AJAP1: variants seen among roughly 807,000 people sequenced by gnomAD.
AJAP1 encodes the protein adherens junctions associated protein 1.
In AJAP1, 5 loss-of-function variants were observed where a neutral mutation model predicts 35.0. That is an observed-to-expected ratio of 0.14 (90% CI 0.07 to 0.30). The LOEUF (loss-of-function observed/expected upper bound fraction) is 0.30, where lower values mean the gene tolerates loss of function less well. Ranked by LOEUF, AJAP1 falls within the 10% of genes least tolerant of loss-of-function variation. The pLI, the probability that AJAP1 is intolerant of heterozygous loss-of-function variation, is 1.00. For missense variants in AJAP1, 586 were observed against 571.0 expected, an observed-to-expected ratio of 1.03 and a Z score of -0.27; for synonymous variants, 284 against 249.3, an observed-to-expected ratio of 1.14 and a Z score of -1.31.
chr1:4,696,995 TG>T (rs1395372380), intron 1 of AJAP1, among the ~76,000 whole-genome samples: 1 of 152,172 alleles, frequency 6.6e-6, no homozygotes, highest in Non-Finnish European at 1.5e-5. Context: ...CATGTGTGTA[TG>T]TGTGCATGCT....
At chr1:4,677,682 G>A (rs760584477) in intron 1 of AJAP1, among the ~76,000 whole-genome samples, 3 of 152,104 alleles carry the variant, frequency 2.0e-5, no homozygotes, top group Admixed American at 6.5e-5. Context: ...GTCAGCCAGC[G>A]GGTATTCATA....
At chr1:4,777,385 G>A (rs1446928868) in intron 5 of AJAP1, 2 of 152,202 alleles carry the variant, frequency 1.3e-5, no homozygotes, top group East Asian at 3.9e-4. Flanking sequence ...AGTCAGCCAA[G>A]TTCGTTTTCT....
At chr1:4,699,505 T>G (rs988194921) in intron 1 of AJAP1, among the ~76,000 whole-genome samples, 1 of 152,174 alleles carries the variant, frequency 6.6e-6, no homozygotes, top group Admixed American at 6.5e-5. Context: ...TAACCTGACA[T>G]TTATTCCTCT....
intron 1 of AJAP1, among the ~76,000 whole-genome samples, chr1:4,677,519 C>T (rs1639387877): frequency 6.6e-6 from 1 of 151,884 alleles, no homozygotes; most frequent in Non-Finnish European, 1.5e-5. Context: ...GAGGGGATTC[C>T]ACCTCTCTCT....
Position 4,692,066 on chromosome 1 carries a change from T to C in AJAP1, c.30-19834T>C, listed in dbSNP as rs949159468. Among the ~76,000 whole-genome samples the C allele has an allele frequency of 4.6e-5, 7 of 152,154 alleles. No homozygotes were observed. The highest frequency in any genetic ancestry group is 6.5e-5 in the Admixed American group (1 of 15,284). ...AGACTGGCCGAGGCCCTCAGCCCTG[T>C]GCTCCTTCCGGGAATGGCAGGTGGC... On this transcript the variant is annotated intron_variant, in intron 1 of 5. Coordinates refer to ENST00000378191, the MANE Select transcript of AJAP1 (RefSeq NM_018836.4). This position sits in a 1 kb window ranked among gnomAD's most constrained non-coding sequence, Gnocchi z 4.4.
At chr1:4,658,249 C>T (rs1362419828) in intron 1 of AJAP1, among the ~76,000 whole-genome samples, 1 of 152,212 alleles carries the variant, frequency 6.6e-6, no homozygotes, top group African/African-American at 2.4e-5. Context: ...CTGCGGCCAT[C>T]CCATCTGTTC....
chr1:4,725,798 G>A (rs569707632), intron 2 of AJAP1, among the ~76,000 whole-genome samples: 2 of 152,086 alleles, frequency 1.3e-5, no homozygotes, highest in South Asian at 2.1e-4. Flanking sequence ...TCTCCTCCCC[G>A]TGTCCTCACA....
chr1:4,762,305 T>C (rs757557780), intron 2 of AJAP1, among the ~76,000 whole-genome samples: 2 of 152,204 alleles, frequency 1.3e-5, no homozygotes, highest in Non-Finnish European at 2.9e-5. Context: ...CTCAGGAATG[T>C]CCTGCCTGAG....
At chr1:4,721,275 C>T (rs1045640889) in intron 2 of AJAP1, among the ~76,000 whole-genome samples, 1 of 152,176 alleles carries the variant, frequency 6.6e-6, no homozygotes, top group African/African-American at 2.4e-5. Flanking sequence ...TAGGGGTGCT[C>T]TTTGGGGCTT....
chr1:4,712,142 G>GGCAGAT lies in AJAP1; in HGVS notation c.281_286dup (p.Gln94_Met95dup), dbSNP rs771925892. The stretch of plus-strand genomic sequence containing the variant: ...CCGCCCCGAGTGGAGCGGATCCACG[G>GGCAGAT]GCAGATGCAGATGCCTCGAGCCAGA... On this transcript the variant is annotated inframe_insertion, in exon 2 of 6. Transcript: ENST00000378191. The GGCAGAT allele has an allele frequency of 6.4e-7, 1 of 1,561,104 alleles. No individual in the cohort carries two copies. Among genetic ancestry groups the GGCAGAT allele is most frequent in the African/African-American group, 1.4e-5 (1 of 73,266 alleles).
At chr1:4,746,866 T>G (rs1275991691) in intron 2 of AJAP1, among the ~76,000 whole-genome samples, 1 of 152,178 alleles carries the variant, frequency 6.6e-6, no homozygotes, top group East Asian at 1.9e-4. Context: ...ACAAGGCAGC[T>G]GGTGGTACGA....
chr1:4,764,081 C>A (rs1441244975), intron 2 of AJAP1, among the ~76,000 whole-genome samples: 1 of 152,116 alleles, frequency 6.6e-6, no homozygotes, highest in Non-Finnish European at 1.5e-5. Flanking sequence ...CACCAACTTT[C>A]CTGGTTCTCC....
chr1:4,709,098 C>T (rs1229970252), intron 1 of AJAP1, among the ~76,000 whole-genome samples: 1 of 152,224 alleles, frequency 6.6e-6, no homozygotes, highest in Non-Finnish European at 1.5e-5. Context: ...GAAGTTATGC[C>T]AGCGAGGCAG....
chr1:4,732,138 A>G (rs1002525363), intron 2 of AJAP1, among the ~76,000 whole-genome samples: 2 of 152,250 alleles, frequency 1.3e-5, no homozygotes, highest in African/African-American at 2.4e-5. Flanking sequence ...CATACAGGGA[A>G]CAGCTTTCAG....
chr1:4,691,376 G>A (rs1255578229), intron 1 of AJAP1, among the ~76,000 whole-genome samples: 1 of 152,252 alleles, frequency 6.6e-6, no homozygotes, highest in African/African-American at 2.4e-5. Flanking sequence ...AGGCCACAGA[G>A]TCTGTGGAGG....
At chr1:4,707,358 G>A (rs1640123011) in intron 1 of AJAP1, among the ~76,000 whole-genome samples, 1 of 152,104 alleles carries the variant, frequency 6.6e-6, no homozygotes, top group South Asian at 2.1e-4. Flanking sequence ...GAGTTGTGCA[G>A]CTACCCCCAC....
At chr1:4,686,599 C>T (rs770588536) in intron 1 of AJAP1, among the ~76,000 whole-genome samples, 2 of 152,194 alleles carry the variant, frequency 1.3e-5, no homozygotes, top group Non-Finnish European at 2.9e-5. Context: ...GCCAGCCTTC[C>T]GCAGAGCTTT....
At chr1:4,719,636 C>T (rs565469425) in intron 2 of AJAP1, among the ~76,000 whole-genome samples, 8 of 152,198 alleles carry the variant, frequency 5.3e-5, no homozygotes, top group Middle Eastern at 3.4e-3. Context: ...CTCCACCTCC[C>T]GGCAGCTCAG....
chr1:4,783,565 GTT>G lies in AJAP1; in HGVS notation c.*1082_*1083del, dbSNP rs963115461. The G allele has an allele frequency of 7.7e-6, 1 of 129,958 alleles. No individual in the cohort carries two copies. Among genetic ancestry groups the G allele is most frequent in the Admixed American group, 7.8e-5 (1 of 12,776 alleles). 8.1% of individuals were successfully genotyped at this position (129,958 alleles called of 1,614,324 possible). On this transcript the variant is annotated 3_prime_UTR_variant, in exon 6 of 6. Transcript: ENST00000378191. ...TATATGTTTGTGTGTGTATATATAT[GTT>G]TGTGTATATATATACACATATGCAT...
Sources: allele counts gnomAD v4.1 joint callset (sites outside exome capture counted in the v4.1 genomes callset), GRCh38; gene constraint gnomAD v4.1.1; non-coding constraint Gnocchi (gnomAD v3.1); transcripts MANE v1.5; gene names NCBI Gene and HGNC (gene_info 2026-07-23, HGNC 2026-07-21).